HIPK2: variants seen among roughly 807,000 people sequenced by gnomAD.
HIPK2 encodes homeodomain-interacting protein kinase 2.
Under a neutral mutation model 113.7 loss-of-function variants are expected in HIPK2, and 27 were observed. The ratio of observed to expected loss-of-function variants is 0.24; its 90% CI spans 0.17 to 0.33. The LOEUF is 0.33. Among genes scored for constraint, HIPK2 ranks in the 10% least tolerant of loss-of-function variants. The pLI is 1.00. For missense variants in HIPK2, 1,257 were observed against 1,588.0 expected (o/e 0.79, Z 3.54); for synonymous variants, 631 against 642.2 (o/e 0.98, Z 0.26).
At chr7:139,629,129 G>T in intron 4 of HIPK2, 90 bp from the exon 5 acceptor site, 1 of 1,013,834 alleles carries the variant, frequency 9.9e-7, no homozygotes, top group Non-Finnish European at 1.5e-6. Context: ...CTCACAGAGG[G>T]TCTCTTTCCC....
At chr7:139,636,675 C>G (rs897814088) in intron 2 of HIPK2, among the ~76,000 whole-genome samples, 2 of 152,100 alleles carry the variant, frequency 1.3e-5, no homozygotes, top group South Asian at 4.1e-4. Context: ...ACCCCTGGAG[C>G]CTTCAGAGGG....
chr7:139,625,585 G>T (rs183191472), intron 6 of HIPK2, among the ~76,000 whole-genome samples: 21 of 152,294 alleles, frequency 1.4e-4, no homozygotes, highest in Admixed American at 6.5e-4. Flanking sequence ...ATGGGGGAGT[G>T]TCCTGTCCAT....
chr7:139,641,300 G>A, intron 2 of HIPK2, among the ~76,000 whole-genome samples: 1 of 151,094 alleles, frequency 6.6e-6, no homozygotes, highest in Non-Finnish European at 1.5e-5. Context: ...GGAAGGTGGA[G>A]GTTGCAGTGA....
At chr7:139,652,585 A>T (rs1372520022) in intron 2 of HIPK2, among the ~76,000 whole-genome samples, 1 of 152,218 alleles carries the variant, frequency 6.6e-6, no homozygotes, top group Non-Finnish European at 1.5e-5. Flanking sequence ...TCTCTCATTC[A>T]ATAAACATGT....
intron 1 of HIPK2, among the ~76,000 whole-genome samples, chr7:139,744,740 G>A (rs1370112944): frequency 2.6e-5 from 4 of 152,200 alleles, no homozygotes; most frequent in African/African-American, 9.6e-5. Context: ...GCGAAGCCAC[G>A]TGACGGACTT....
chr7:139,645,631 C>A (rs1214677679), intron 2 of HIPK2, among the ~76,000 whole-genome samples: 2 of 152,122 alleles, frequency 1.3e-5, no homozygotes, highest in Admixed American at 1.3e-4. Flanking sequence ...GTACAGGATG[C>A]GGCCTGACTC....
At chr7:139,574,946 C>T (rs1798436570) in intron 14 of HIPK2, 182 bp downstream of exon 14, 4 of 311,974 alleles carry the variant, frequency 1.3e-5, no homozygotes, top group Non-Finnish European at 1.9e-5. Flanking sequence ...ATATCAACTT[C>T]CCCAAGGGTG....
chr7:139,625,131 C>T (rs149708005), intron 6 of HIPK2, among the ~76,000 whole-genome samples: 21 of 152,322 alleles, frequency 1.4e-4, no homozygotes, highest in African/African-American at 4.6e-4. Context: ...CTTCCAATGA[C>T]ACTGGCCCAT....
At position 139,566,030 on chromosome 7, in the gene HIPK2, T is replaced by C. The variant is rs772724341; in HGVS notation, c.*6897A>G. 3 of 152,340 alleles carry C rather than the reference T, an allele frequency of 2.0e-5. No homozygotes were observed. Among genetic ancestry groups the C allele is most frequent in the East Asian group, 1.9e-4 (1 of 5,192 alleles). The allele number at this position is 152,340 out of a possible 1,614,324, so 9.4% of individuals were successfully genotyped here. ...GTTGTAGCAGCACTACTAAAGCTAG[T>C]TGGTATGCTGGAAAGAAATCTAAAA... On this transcript the variant is annotated 3_prime_UTR_variant, in exon 15 of 15. Coordinates refer to ENST00000406875, the MANE Select transcript of HIPK2 (RefSeq NM_022740.5). The surrounding 1 kb of genome is among the most constrained non-coding windows in gnomAD (Gnocchi z 4.1).
chr7:139,743,264 G>T (rs1230694537), intron 1 of HIPK2, among the ~76,000 whole-genome samples: 1 of 152,224 alleles, frequency 6.6e-6, no homozygotes, highest in Non-Finnish European at 1.5e-5. Context: ...AAGCAGAGGG[G>T]CAACAAAGTA....
At chr7:139,703,302 G>A (rs1794766608) in intron 2 of HIPK2, among the ~76,000 whole-genome samples, 1 of 152,156 alleles carries the variant, frequency 6.6e-6, no homozygotes, top group Non-Finnish European at 1.5e-5. Flanking sequence ...ACCTCCCGCT[G>A]CTGCTCAGGG....
At chr7:139,772,723 G>C in intron 1 of HIPK2, among the ~76,000 whole-genome samples, 1 of 151,284 alleles carries the variant, frequency 6.6e-6, no homozygotes, top group East Asian at 1.9e-4. Context: ...AAGTAGCTGG[G>C]ATTACAGGCA....
At chr7:139,707,820 C>T (rs1020009623) in intron 2 of HIPK2, among the ~76,000 whole-genome samples, 2 of 152,206 alleles carry the variant, frequency 1.3e-5, no homozygotes, top group South Asian at 2.1e-4. Context: ...GCAGTGAGTG[C>T]GCTATCCATC....
At chr7:139,585,728 ATTC>A (rs139372237) in intron 12 of HIPK2, among the ~76,000 whole-genome samples, 194 of 152,306 alleles carry the variant, frequency 1.3e-3, no homozygotes, top group African/African-American at 4.0e-3. Context: ...AATAGCTGCT[ATTC>A]TTCTTCTTCT....
intron 1 of HIPK2, chr7:139,777,137 C>G (rs1488919006): frequency 6.6e-6 from 1 of 152,226 alleles, no homozygotes; most frequent in Non-Finnish European, 1.5e-5. Flanking sequence ...ACAGCCCCCC[C>G]AAAATCGGAG....
At chr7:139,770,887 T>C (rs1201599407) in intron 1 of HIPK2, among the ~76,000 whole-genome samples, 1 of 152,244 alleles carries the variant, frequency 6.6e-6, no homozygotes, top group Non-Finnish European at 1.5e-5. Flanking sequence ...CAGAAATAAG[T>C]AGCTATAAAA....
intron 7 of HIPK2, among the ~76,000 whole-genome samples, chr7:139,617,984 ATAAGACTTACT>A (rs1569455496): frequency 1.3e-5 from 2 of 152,242 alleles, no homozygotes; most frequent in African/African-American, 4.8e-5. Context: ...GGGGACCTCC[ATAAGACTTACT>A]TAAGACTTAC....
intron 13 of HIPK2, among the ~76,000 whole-genome samples, chr7:139,580,047 T>C (rs142155603): frequency 1.3e-5 from 2 of 152,186 alleles, no homozygotes; most frequent in African/African-American, 4.8e-5. Context: ...GTGGACTCAA[T>C]GTAGAAAAGA....
chr7:139,690,533 A>G (rs1202947910), intron 2 of HIPK2, among the ~76,000 whole-genome samples: 2 of 152,112 alleles, frequency 1.3e-5, no homozygotes, highest in Admixed American at 6.5e-5. Flanking sequence ...CACGAGAGCT[A>G]GTTGTAAAAA....
Sources: gnomAD v4.1 joint callset for allele counts (sites outside exome capture counted in the v4.1 genomes callset) on GRCh38, gnomAD v4.1.1 for gene constraint, Gnocchi (gnomAD v3.1) non-coding constraint, MANE v1.5 for transcripts, NCBI Gene and HGNC (gene_info 2026-07-23, HGNC 2026-07-21) for gene names.